IDE: variants seen among roughly 807,000 people sequenced by gnomAD.
The protein encoded by IDE is insulin-degrading enzyme.
In IDE, 58 loss-of-function variants were observed where a neutral mutation model predicts 133.2. That is an observed-to-expected ratio of 0.44 (90% confidence interval 0.35 to 0.54). The LOEUF (loss-of-function observed/expected upper bound fraction) is 0.54, where lower values mean the gene tolerates loss of function less well. IDE is among the 20% of genes least tolerant of loss of function. The pLI is 0.00. For missense variants in IDE, 981 were observed against 1,234.0 expected (o/e 0.79, Z 3.07); for synonymous variants, 396 against 421.3 (o/e 0.94, Z 0.73).
At chr10:92,540,235 A>T (rs1842229435) in intron 1 of IDE, among the ~76,000 whole-genome samples, 2 of 149,734 alleles carry the variant, frequency 1.3e-5, no homozygotes, top group South Asian at 2.1e-4. Flanking sequence ...ACAGAGCGAG[A>T]CTCCGTCTCA....
intron 5 of IDE, among the ~76,000 whole-genome samples, chr10:92,510,826 T>C (rs1012575686): frequency 2.6e-5 from 4 of 150,992 alleles, no homozygotes; most frequent in Admixed American, 1.3e-4. Context: ...ATATGATATA[T>C]AGCACATACA....
In IDE at chr10:92,508,793, T is replaced by C; in HGVS notation, c.995A>G (p.His332Arg). The change falls in exon 7 of 25, where the codon CAT becomes CGT. Residue 332 changes from histidine to arginine, a missense_variant. By Grantham distance (29) the His-to-Arg change is conservative (BLOSUM62 0). This residue lies in a region of IDE where 660 missense variants were observed against 894.7 expected (regional missense o/e 0.74). Coordinates refer to ENST00000265986, the MANE Select transcript of IDE (RefSeq NM_004969.4). Reference protein sequence around the residue: ...LQKYYKSNPGHYLGHLIGHEG... With the variant: ...LQKYYKSNPGRYLGHLIGHEG... ...ATGCCCAATGAGATGACCAAGATAA[T>C]GACCAGGATTTGATTTGTAGTATTT... 1.2e-6 allele frequency: 2 copies of C among 1,613,908 alleles called. No individual in the cohort carries two copies. Among genetic ancestry groups the C allele is most frequent in the Middle Eastern group, 3.3e-4 (2 of 6,062 alleles).
At position 92,494,729 on chromosome 10, in the gene IDE, T is replaced by C. The variant is rs1847585934; in HGVS notation, c.1431-4134A>G. 2.6e-5 allele frequency among the ~76,000 whole-genome samples: 4 copies of C among 152,236 alleles called. No individual in the cohort carries two copies. In the South Asian group the frequency reaches 6.2e-4, roughly 24 times the overall value. ...TAAAAATGTTTGGAGCGAATGCAGC[T>C]GTCGAAGCTGGATGGAACTCATCTG... On this transcript the variant is annotated intron_variant, in intron 11 of 24. Coordinates refer to ENST00000265986, the MANE Select transcript of IDE (RefSeq NM_004969.4).
rs1564647902 is a variant in IDE, at chr10:92,524,438, TA to T, written c.661+7309del. ...TATATTATATATAATATATTTTATATAATATATTTTATATATTATATATTTT... is the reference window on the plus strand; with the variant it reads ...TATATTATATATAATATATTTTATATATATATTTTATATATTATATATTTT... On this transcript the variant is annotated intron_variant, in intron 4 of 24. Coordinates refer to ENST00000265986, the MANE Select transcript of IDE (RefSeq NM_004969.4). Among the ~76,000 whole-genome samples the T allele has an allele frequency of 2.8e-4, 18 of 64,008 alleles. 3 individuals carry two copies. Among genetic ancestry groups the T allele is most frequent in the African/African-American group, 1.2e-3 (17 of 14,706 alleles). The allele number at this position is 64,008 out of a possible 152,430, so 42.0% of individuals were successfully genotyped here. A position where few individuals can be genotyped will look rare whatever the true frequency, so the allele number is the denominator to read the frequency against.
In IDE at chr10:92,483,315, CAA is replaced by C; in HGVS notation, c.1677_1678del (p.Trp560ValfsTer5). ...AAAAAACTTATCATCTTGTTTGAAC[CAA>C]AGTTTGCTCATAGCTGTATCCTGTG... On this transcript the variant is annotated frameshift_variant, in exon 14 of 25. Transcript: ENST00000265986. LOFTEE classifies it high-confidence loss of function. The C allele has an allele frequency of 6.2e-7, 1 of 1,609,654 alleles. No homozygotes were observed. Among genetic ancestry groups the C allele is most frequent in the Non-Finnish European group, 8.5e-7 (1 of 1,176,068 alleles).
intron 14 of IDE, chr10:92,479,795 G>A (rs1022218567): frequency 6.1e-6 from 1 of 162,968 alleles, no homozygotes; most frequent in East Asian, 1.7e-4. Context: ...GAGCACGGCC[G>A]ACAGAACAGA....
Position 92,574,048 on chromosome 10 carries a change from A to T in IDE, c.-29T>A. The stretch of plus-strand genomic sequence containing the variant: ...CCAGCGCAGTCGCCGGGATCACCGC[A>T]AACGCTTCCTGCTTGCGCTTCGAGC... On this transcript the variant is annotated 5_prime_UTR_variant, in exon 1 of 25. Coordinates refer to ENST00000265986, the MANE Select transcript of IDE (RefSeq NM_004969.4). 1 of 1,485,900 alleles carries T rather than the reference A, an allele frequency of 6.7e-7. No homozygotes were observed. The highest frequency in any genetic ancestry group is 9.0e-7 in the Non-Finnish European group (1 of 1,113,580). The allele number at this position is 1,485,900 out of a possible 1,614,324, so 92.0% of individuals were successfully genotyped here. A position where few individuals can be genotyped will look rare whatever the true frequency, so the allele number is the denominator to read the frequency against.
rs758927481 is a variant in IDE, at chr10:92,531,822, T to C, written c.587A>G (p.Asn196Ser). ...VDSEHEKNVM[N>S]DAWRLFQLEK... is the part of the protein sequence containing the mutation. ...CAATTGAAAGAGTCTCCAGGCATCATTCATCACATTCTTCTCATGTTCTGA... is the reference window on the plus strand; with the variant it reads ...CAATTGAAAGAGTCTCCAGGCATCACTCATCACATTCTTCTCATGTTCTGA... The change falls in exon 4 of 25, where the codon AAT (asparagine) becomes AGT (serine). Residue 196 changes from asparagine (N) to serine (S), a missense_variant. Coordinates refer to ENST00000265986, the MANE Select transcript of IDE (RefSeq NM_004969.4). 7 of 1,610,682 alleles carry C rather than the reference T, an allele frequency of 4.3e-6. No homozygotes were observed. The highest frequency in any genetic ancestry group is 5.1e-6 in the Non-Finnish European group (6 of 1,177,802).
chr10:92,466,790 G>C (rs538068914), intron 19 of IDE, among the ~76,000 whole-genome samples: 36 of 147,512 alleles, frequency 2.4e-4, no homozygotes, highest in African/African-American at 8.0e-4. Flanking sequence ...GCTAATTTTT[G>C]TATTTTTAGT....
At chr10:92,514,663 T>C (rs1053876030) in intron 5 of IDE, among the ~76,000 whole-genome samples, 1 of 152,170 alleles carries the variant, frequency 6.6e-6, no homozygotes, top group African/African-American at 2.4e-5. Flanking sequence ...TGGGCTTGCC[T>C]TGCTTTTATA....
chr10:92,472,008 A>G (rs962191588), intron 17 of IDE, among the ~76,000 whole-genome samples: 17 of 152,180 alleles, frequency 1.1e-4, no homozygotes, highest in African/African-American at 4.1e-4. Flanking sequence ...AGTTCTTGCT[A>G]CCCTGGCACC....
rs374309910 is a variant in IDE, at chr10:92,531,802, G to A, written c.607C>T (p.Gln203Ter). ...GGATTCCCTGTAGCTTTTTCCAATT[G>A]AAAGAGTCTCCAGGCATCATTCATC... is the stretch of plus-strand genomic sequence containing the variant. ...NVMNDAWRLF[Q>*]LEKATGNPKH... is the part of the protein sequence containing the mutation. Residue 203 changes from glutamine (Q) to a stop codon, truncating the protein, a stop_gained, in exon 4 of 25, where the codon CAA becomes TAA. Transcript: ENST00000265986. LOFTEE classifies it high-confidence loss of function. 9 of 1,605,440 alleles carry A rather than the reference G, an allele frequency of 5.6e-6. No individual in the cohort carries two copies. Among genetic ancestry groups the A allele is most frequent in the African/African-American group, 1.3e-5 (1 of 74,680 alleles).
chr10:92,556,134 C>T (rs1197631980), intron 1 of IDE, among the ~76,000 whole-genome samples: 1 of 129,242 alleles, frequency 7.7e-6, no homozygotes, highest in Non-Finnish European at 1.5e-5. Flanking sequence ...GATTGCACCA[C>T]TGCAGTCCGC....
intron 11 of IDE, among the ~76,000 whole-genome samples, chr10:92,500,646 A>G (rs920351049): frequency 5.3e-5 from 8 of 152,156 alleles, no homozygotes; most frequent in Non-Finnish European, 8.8e-5. Flanking sequence ...TTCTCTTCCA[A>G]TGATTTCTTT....
intron 1 of IDE, among the ~76,000 whole-genome samples, chr10:92,570,453 G>C (rs1843731607): frequency 6.6e-6 from 1 of 152,162 alleles, no homozygotes; most frequent in Non-Finnish European, 1.5e-5. Context: ...ACAGACTGAA[G>C]ACAAGCCAAA....
intron 4 of IDE, among the ~76,000 whole-genome samples, chr10:92,524,693 T>C (rs1589474943): frequency 6.9e-6 from 1 of 145,264 alleles, no homozygotes; most frequent in Admixed American, 7.5e-5. Flanking sequence ...GAGGCCGAGG[T>C]GGGTGGATCA....
chr10:92,558,461 T>C (rs992151852), intron 1 of IDE, among the ~76,000 whole-genome samples: 3 of 152,228 alleles, frequency 2.0e-5, no homozygotes, highest in Non-Finnish European at 4.4e-5. Flanking sequence ...AAAGACAAAT[T>C]AGACTTCAAC....
In IDE at chr10:92,461,365, T is replaced by A. The variant is rs7098739; in HGVS notation, c.2762-113A>T. The stretch of plus-strand genomic sequence containing the variant: ...AAGACTCTTAAGTATCCATATATAT[T>A]TTTTTTTGAGACAGAGTTTCACTCT... On this transcript the variant is annotated intron_variant, in intron 21 of 24. Coordinates refer to ENST00000265986, the MANE Select transcript of IDE (RefSeq NM_004969.4). 691 of 487,128 alleles carry A rather than the reference T, an allele frequency of 1.4e-3. 3 individuals carry two copies. Among genetic ancestry groups the A allele is most frequent in the African/African-American group, 0.011 (541 of 49,674 alleles). The allele number at this position is 487,128 out of a possible 1,614,324, so 30.2% of individuals were successfully genotyped here. A position where few individuals can be genotyped will look rare whatever the true frequency, so the allele number is the denominator to read the frequency against.
chr10:92,536,977 G>T (rs1052505945), intron 2 of IDE, among the ~76,000 whole-genome samples: 2 of 151,584 alleles, frequency 1.3e-5, no homozygotes, highest in African/African-American at 4.9e-5. Flanking sequence ...GGCAGAGGTT[G>T]CAGTGAGCCG....
Sources: allele counts gnomAD v4.1 joint callset (sites outside exome capture counted in the v4.1 genomes callset), GRCh38; gene constraint gnomAD v4.1.1; regional missense constraint gnomAD v4.1.1; transcripts MANE v1.5; gene names NCBI Gene and HGNC (gene_info 2026-07-23, HGNC 2026-07-21).